The following PZP variants were observed in gnomAD, a reference collection of about 807,000 sequenced individuals.
PZP encodes the protein pregnancy zone protein.
Under a neutral mutation model 179.8 loss-of-function variants are expected in PZP, and 150 were observed. The ratio of observed to expected loss-of-function variants is 0.83; its 90% CI spans 0.73 to 0.96. The LOEUF (loss-of-function observed/expected upper bound fraction) is 0.96, where lower values mean the gene tolerates loss of function less well. Ranked by LOEUF, PZP falls within the 40% of genes least tolerant of loss-of-function variation. PZP has a pLI of 0.00. For missense variants in PZP, 1,689 were observed against 1,764.0 expected, an observed-to-expected ratio of 0.96 and a Z score of 0.76; for synonymous variants, 624 against 652.3, an observed-to-expected ratio of 0.96 and a Z score of 0.66.
intron 34 of PZP, among the ~76,000 whole-genome samples, chr12:9,150,118 T>C (rs745351009): frequency 2.6e-5 from 4 of 152,334 alleles, no homozygotes; most frequent in African/African-American, 7.2e-5. Context: ...TTGTCACTAA[T>C]AGTCTTTCCT....
intron 24 of PZP, 54 bp from the exon 25 acceptor site, chr12:9,160,079 C>A: frequency 6.6e-7 from 1 of 1,526,164 alleles, no homozygotes; most frequent in South Asian, 1.1e-5. Context: ...GGCAGGCCAT[C>A]CATATGTTTA....
At chr12:9,148,187 T>C (rs181905589), downstream of PZP, among the ~76,000 whole-genome samples, 88 of 152,340 alleles carry the variant, frequency 5.8e-4, no homozygotes, top group Non-Finnish European at 1.1e-3. Context: ...AATGGTTAAG[T>C]CAAGCTAATT....
At chr12:9,207,862 T>C (rs1230736569) in intron 1 of PZP, among the ~76,000 whole-genome samples, 6 of 152,208 alleles carry the variant, frequency 3.9e-5, no homozygotes, top group Admixed American at 3.3e-4. Flanking sequence ...GAAGACTTGA[T>C]ACATGATTGA....
At chr12:9,165,032 C>T (rs1462476073) in intron 19 of PZP, 107 bp downstream of exon 19, 3 of 1,362,546 alleles carry the variant, frequency 2.2e-6, no homozygotes, top group Admixed American at 1.8e-5. Flanking sequence ...AGTGCTAACA[C>T]ACAATCCCTT....
chr12:9,154,556 T>G, intron 29 of PZP, 60 bp downstream of exon 29: 1 of 1,484,818 alleles, frequency 6.7e-7, no homozygotes. Context: ...ACTGTTCTAC[T>G]TTTAAGCCTC....
intron 7 of PZP, among the ~76,000 whole-genome samples, chr12:9,197,972 T>C (rs1198155946): frequency 1.5e-5 from 2 of 135,034 alleles, no homozygotes; most frequent in East Asian, 4.0e-4. Context: ...ATATTATATA[T>C]TAATATATAT....
At position 9,161,174 on chromosome 12, in the gene PZP, G is replaced by A. The variant is rs1435661366; in HGVS notation, c.2789-58C>T. On this transcript the variant is annotated intron_variant, in intron 22 of 35. Coordinates refer to ENST00000261336, the MANE Select transcript of PZP (RefSeq NM_002864.3). ...ACATCTATGATTACAATATAATTTAGTGATTATAATGTAGTGAGAGCTTCA... is the reference window on the plus strand; with the variant it reads ...ACATCTATGATTACAATATAATTTAATGATTATAATGTAGTGAGAGCTTCA... 1.0e-5 allele frequency: 14 copies of A among 1,371,990 alleles called. No homozygotes were observed. The East Asian group carries it at 3.2e-4, about 32-fold the overall frequency. 85.0% of individuals were successfully genotyped at this position (1,371,990 alleles called of 1,614,324 possible).
downstream of PZP, among the ~76,000 whole-genome samples, chr12:9,147,681 C>G (rs200767463): frequency 6.6e-6 from 1 of 152,150 alleles, no homozygotes; most frequent in Non-Finnish European, 1.5e-5. Context: ...CTTCACTTCT[C>G]CACTCATGTA....
At chr12:9,143,256 A>G in the PZP span, among the ~76,000 whole-genome samples, 1 of 152,236 alleles carries the variant, frequency 6.6e-6, no homozygotes. Flanking sequence ...ACATGGAGAA[A>G]GGGACATGAA....
intron 4 of PZP, among the ~76,000 whole-genome samples, chr12:9,201,550 A>G (rs1247385574): frequency 6.6e-6 from 1 of 152,192 alleles, no homozygotes; most frequent in Admixed American, 6.5e-5. Context: ...AATTATTATT[A>G]TGTGTTGCCA....
At position 9,149,612 on chromosome 12, in the gene PZP, A is replaced by C; in HGVS notation, c.4385-10T>G. Reference sequence around the variant, plus strand: ...GCAACCACAGACTCATCTGAAAGATAACGTTGGGTGAAGGAAGAAACGAAA... The same window carrying C: ...GCAACCACAGACTCATCTGAAAGATCACGTTGGGTGAAGGAAGAAACGAAA... On this transcript the variant is annotated splice_polypyrimidine_tract_variant and intron_variant, in intron 34 of 35. Coordinates refer to ENST00000261336, the MANE Select transcript of PZP (RefSeq NM_002864.3). The C allele has an allele frequency of 6.2e-7, 1 of 1,612,514 alleles. No homozygotes were observed. Among genetic ancestry groups the C allele is most frequent in the Non-Finnish European group, 8.5e-7 (1 of 1,179,038 alleles).
chr12:9,184,098 G>A (rs1241792643), intron 13 of PZP, among the ~76,000 whole-genome samples: 6 of 152,182 alleles, frequency 3.9e-5, no homozygotes, highest in Admixed American at 3.9e-4. Flanking sequence ...AATAGTGGTA[G>A]GAAATTAAAG....
At chr12:9,192,080 T>A (rs1320706010) in intron 13 of PZP, 113 bp downstream of exon 13, 1 of 865,678 alleles carries the variant, frequency 1.2e-6, no homozygotes, top group Non-Finnish European at 1.9e-6. Flanking sequence ...TTCCTGCGTG[T>A]CCTCCTTATT....
chr12:9,178,320 A>G (rs758138452), intron 15 of PZP, among the ~76,000 whole-genome samples: 138 of 152,306 alleles, frequency 9.1e-4, no homozygotes, highest in East Asian at 1.7e-3. Context: ...GTGGATCCAC[A>G]CTGTAGCCAC....
intron 19 of PZP, 108 bp downstream of exon 19, chr12:9,165,031 A>T: frequency 1.5e-6 from 2 of 1,355,246 alleles, no homozygotes; most frequent in Non-Finnish European, 2.1e-6. Context: ...CAGTGCTAAC[A>T]CACAATCCCT....
intron 1 of PZP, among the ~76,000 whole-genome samples, chr12:9,204,590 C>T (rs1233788535): frequency 2.0e-5 from 3 of 152,074 alleles, no homozygotes; most frequent in East Asian, 1.9e-4. Context: ...ATTTTATCAA[C>T]GAGTTTGAAA....
chr12:9,161,222 TA>T, intron 22 of PZP, 106 bp from the exon 23 acceptor site: 1 of 928,046 alleles, frequency 1.1e-6, no homozygotes, highest in Non-Finnish European at 1.6e-6. Flanking sequence ...CTGGATATGG[TA>T]CTGGCCCTGC....
chr12:9,168,948 G>A lies in PZP; in HGVS notation c.2028C>T (p.Asn676=). 1 of 1,613,850 alleles carries A rather than the reference G, an allele frequency of 6.2e-7. No homozygotes were observed. The highest frequency in any genetic ancestry group is 2.2e-5 in the East Asian group (1 of 44,862). The change falls in exon 17 of 36, where the codon AAC becomes AAT. Residue 676 remains asparagine, a synonymous_variant. Coordinates refer to ENST00000261336, the MANE Select transcript of PZP (RefSeq NM_002864.3). ...LKGMGLKVFT[N]SKIRKPKSCS... ...ACGACTTTGGTTTTCGGATTTTTGA[G>A]TTAGTGAACACCTTCAATCCCATCC...
intron 15 of PZP, among the ~76,000 whole-genome samples, chr12:9,176,125 G>C (rs1942347805): frequency 6.6e-6 from 1 of 152,208 alleles, no homozygotes; most frequent in African/African-American, 2.4e-5. Context: ...ATACTATGCA[G>C]CCATAAAAAG....
Sources: allele counts gnomAD v4.1 joint callset (sites outside exome capture counted in the v4.1 genomes callset), GRCh38; gene constraint gnomAD v4.1.1; transcripts MANE v1.5; gene names NCBI Gene and HGNC (gene_info 2026-07-23, HGNC 2026-07-21).